PGM1: variants seen among roughly 807,000 people sequenced by gnomAD.
PGM1 encodes phosphoglucomutase-1.
In PGM1, 52 loss-of-function variants were observed where a neutral mutation model predicts 55.6. The ratio of observed to expected loss-of-function variants is 0.94; its 90% CI spans 0.75 to 1.18. The LOEUF (loss-of-function observed/expected upper bound fraction) is 1.18, where lower values mean the gene tolerates loss of function less well. Among genes scored for constraint, PGM1 ranks in the 50% most tolerant of loss-of-function variants. The pLI is 0.00. For synonymous variants in PGM1, 287 were observed against 271.7 expected, an observed-to-expected ratio of 1.06 and a Z score of -0.55; for missense variants, 724 against 729.3, an observed-to-expected ratio of 0.99 and a Z score of 0.08.
intron 4 of PGM1, among the ~76,000 whole-genome samples, chr1:63,633,593 T>A (rs1189394619): frequency 6.6e-6 from 1 of 152,170 alleles, no homozygotes; most frequent in East Asian, 1.9e-4. Flanking sequence ...TGCGTGTTCT[T>A]GGTAGTTATA....
intron 7 of PGM1, among the ~76,000 whole-genome samples, chr1:63,646,236 G>A (rs979621637): frequency 1.3e-5 from 2 of 152,108 alleles, no homozygotes; most frequent in African/African-American, 4.8e-5. Flanking sequence ...ATTCAACATA[G>A]GATAATGTGA....
intron 1 of PGM1, among the ~76,000 whole-genome samples, chr1:63,622,174 G>A (rs751496633): frequency 4.6e-5 from 7 of 152,066 alleles, no homozygotes; most frequent in Non-Finnish European, 4.4e-5. Context: ...ACGGGTGCAC[G>A]CCACCATGCC....
intron 7 of PGM1, among the ~76,000 whole-genome samples, chr1:63,644,043 C>G (rs567896005): frequency 6.6e-6 from 1 of 152,314 alleles, no homozygotes; most frequent in South Asian, 2.1e-4. Flanking sequence ...CTGGCAGGGG[C>G]AGAAGCCAGG....
intron 1 of PGM1, among the ~76,000 whole-genome samples, chr1:63,598,876 A>G (rs1648154555): frequency 6.6e-6 from 1 of 152,194 alleles, no homozygotes; most frequent in Non-Finnish European, 1.5e-5. Flanking sequence ...AGAGCAAACT[A>G]GTGGGACTTT....
At chr1:63,656,530 A>G (rs184227971) in intron 10 of PGM1, among the ~76,000 whole-genome samples, 42 of 152,094 alleles carry the variant, frequency 2.8e-4, no homozygotes, top group African/African-American at 9.2e-4. Flanking sequence ...AAGATATGGA[A>G]CCAGCCTAAG....
At chr1:63,648,737 T>A in intron 8 of PGM1, 85 bp downstream of exon 8, 2 of 1,409,994 alleles carry the variant, frequency 1.4e-6, no homozygotes, top group Non-Finnish European at 2.0e-6. Flanking sequence ...TCTCCTGTCT[T>A]AAGTGCTAAT....
intron 7 of PGM1, among the ~76,000 whole-genome samples, chr1:63,647,552 T>C (rs1649689900): frequency 6.6e-6 from 1 of 150,976 alleles, no homozygotes; most frequent in Non-Finnish European, 1.5e-5. Context: ...TAATATATAC[T>C]AGTATTTAAA....
intron 1 of PGM1, among the ~76,000 whole-genome samples, chr1:63,604,693 C>T (rs1648362170): frequency 6.6e-6 from 1 of 152,140 alleles, no homozygotes; most frequent in Non-Finnish European, 1.5e-5. Flanking sequence ...GCCATGAAGA[C>T]AGCCATGCCC....
intron 1 of PGM1, among the ~76,000 whole-genome samples, chr1:63,597,233 G>C (rs1205775747): frequency 6.6e-6 from 1 of 152,138 alleles, no homozygotes; most frequent in Non-Finnish European, 1.5e-5. Context: ...GAATGACTTG[G>C]AGTTCCCAGA....
intron 7 of PGM1, among the ~76,000 whole-genome samples, chr1:63,645,797 G>A (rs1401239078): frequency 6.6e-6 from 1 of 152,180 alleles, no homozygotes; most frequent in African/African-American, 2.4e-5. Flanking sequence ...GAAAGAGAAA[G>A]TGTTGGAGTA....
chr1:63,629,667 G>C, intron 2 of PGM1, 80 bp downstream of exon 2: 1 of 1,434,796 alleles, frequency 7.0e-7, no homozygotes, highest in Non-Finnish European at 9.8e-7. Context: ...GGGAGACCAG[G>C]GTTTTGGTTC....
chr1:63,633,178 T>A (rs953087824), intron 4 of PGM1, among the ~76,000 whole-genome samples: 1 of 152,182 alleles, frequency 6.6e-6, no homozygotes, highest in Non-Finnish European at 1.5e-5. Context: ...TCAGTTCTTA[T>A]GAAAGAAAGA....
At chr1:63,594,097 T>C in intron 1 of PGM1, 1 of 1,025,430 alleles carries the variant, frequency 9.8e-7, no homozygotes, top group Non-Finnish European at 1.2e-6. Context: ...CTTGCAGCCT[T>C]GGAAGATACG....
At chr1:63,629,374 G>T in intron 1 of PGM1, 51 bp from the exon 2 acceptor site, 1 of 1,510,058 alleles carries the variant, frequency 6.6e-7, no homozygotes, top group South Asian at 1.1e-5. Flanking sequence ...TCTGAGCGGT[G>T]ACTCTGGATG....
At chr1:63,628,456 C>T (rs1649096774) in intron 1 of PGM1, among the ~76,000 whole-genome samples, 1 of 152,152 alleles carries the variant, frequency 6.6e-6, no homozygotes, top group Non-Finnish European at 1.5e-5. Context: ...GAAACTCTCC[C>T]CAGGGAATCC....
Position 63,659,569 on chromosome 1 carries a change from C to T in PGM1, c.1600-17C>T. ...TAGAGGAAGTGATGGAAAAGCTTCTCTCTATGTCTTCCTCAGGTCATGTTG... is the reference window on the plus strand; with the variant it reads ...TAGAGGAAGTGATGGAAAAGCTTCTTTCTATGTCTTCCTCAGGTCATGTTG... On this transcript the variant is annotated splice_polypyrimidine_tract_variant and intron_variant, in intron 10 of 10. Transcript: ENST00000371084. The T allele has an allele frequency of 6.2e-7, 1 of 1,603,158 alleles. No homozygotes were observed. Among genetic ancestry groups the T allele is most frequent in the Non-Finnish European group, 8.5e-7 (1 of 1,170,124 alleles).
intron 3 of PGM1, 35 bp downstream of exon 3, chr1:63,630,123 T>G: frequency 6.2e-7 from 1 of 1,606,812 alleles, no homozygotes; most frequent in Non-Finnish European, 8.5e-7. Context: ...TGCCCACTCC[T>G]ATTTCCAAGT....
chr1:63,598,943 C>G (rs770721500), intron 1 of PGM1, among the ~76,000 whole-genome samples: 37 of 152,188 alleles, frequency 2.4e-4, no homozygotes, highest in Non-Finnish European at 3.8e-4. Context: ...AGTGAACCAC[C>G]CTTTTCTGAA....
chr1:63,614,607 C>G (rs923054699), intron 1 of PGM1, among the ~76,000 whole-genome samples: 1 of 152,184 alleles, frequency 6.6e-6, no homozygotes, highest in South Asian at 2.1e-4. Flanking sequence ...AGACAGACTG[C>G]GTATGACCTG....
Sources: gnomAD v4.1 joint callset for allele counts (sites outside exome capture counted in the v4.1 genomes callset) on GRCh38, gnomAD v4.1.1 for gene constraint, MANE v1.5 for transcripts, NCBI Gene and HGNC (gene_info 2026-07-23, HGNC 2026-07-21) for gene names.